Variants in HIP1 observed in about 807,000 individuals in gnomAD.
HIP1 encodes the protein huntingtin-interacting protein 1.
Under a neutral mutation model 147.6 loss-of-function variants are expected in HIP1, and 65 were observed. The ratio of observed to expected loss-of-function variants is 0.44; its 90% CI spans 0.36 to 0.54. HIP1 has a LOEUF of 0.54. Ranked by LOEUF, HIP1 falls within the 20% of genes least tolerant of loss-of-function variation. HIP1 has a pLI of 0.00. For missense variants in HIP1, 1,061 were observed against 1,299.6 expected (o/e 0.82, Z 2.82); for synonymous variants, 479 against 504.0 (o/e 0.95, Z 0.67).
At chr7:75,555,894 A>C (rs1794983513) in intron 18 of HIP1, 132 bp downstream of exon 18, 10 of 1,082,664 alleles carry the variant, frequency 9.2e-6, no homozygotes, top group East Asian at 2.4e-5. Context: ...CACCTACAGA[A>C]TGTCTGCACA....
chr7:75,722,475 G>C (rs531451454), intron 1 of HIP1, among the ~76,000 whole-genome samples: 1 of 152,154 alleles, frequency 6.6e-6, no homozygotes, highest in Non-Finnish European at 1.5e-5. Flanking sequence ...CCACAGCTTG[G>C]AGAAGTAAGA....
intron 14 of HIP1, among the ~76,000 whole-genome samples, chr7:75,558,882 G>A (rs1194005138): frequency 6.6e-6 from 1 of 152,230 alleles, no homozygotes; most frequent in East Asian, 1.9e-4. Flanking sequence ...AGCTGGACAT[G>A]GTGGTGTGTG....
chr7:75,540,479 G>A (rs1323587190), intron 29 of HIP1, among the ~76,000 whole-genome samples: 1 of 151,602 alleles, frequency 6.6e-6, no homozygotes, highest in East Asian at 1.9e-4. Context: ...GCATGGTGGT[G>A]TGTATCTGTA....
intron 22 of HIP1, 50 bp from the exon 23 acceptor site, chr7:75,549,051 T>TCTC: frequency 7.7e-7 from 1 of 1,291,264 alleles, no homozygotes; most frequent in Non-Finnish European, 1.1e-6. Flanking sequence ...TCCTGTCTCT[T>TCTC]CTCCTCTGCC....
chr7:75,628,090 C>G (rs1008016066), intron 1 of HIP1, among the ~76,000 whole-genome samples: 2 of 152,184 alleles, frequency 1.3e-5, no homozygotes, highest in Admixed American at 6.6e-5. Flanking sequence ...ATTTCTGCAT[C>G]TAACCCCATT....
chr7:75,612,054 C>A (rs1797457390), intron 1 of HIP1, among the ~76,000 whole-genome samples: 1 of 152,258 alleles, frequency 6.6e-6, no homozygotes, highest in Non-Finnish European at 1.5e-5. Flanking sequence ...TTGGCAGAAG[C>A]CCAGCCCTCG....
intron 4 of HIP1, 110 bp from the exon 5 acceptor site, chr7:75,586,943 T>C (rs1349981876): frequency 1.4e-6 from 1 of 722,028 alleles, no homozygotes; most frequent in Non-Finnish European, 2.5e-6. Context: ...TTTCTCCCCT[T>C]TATTTTATTT....
chr7:75,700,277 T>A (rs1439226040), intron 1 of HIP1, among the ~76,000 whole-genome samples: 2 of 152,138 alleles, frequency 1.3e-5, no homozygotes, highest in African/African-American at 4.8e-5. Context: ...GCCCGTCAGC[T>A]CTTCCTGGGG....
At chr7:75,732,317 C>T (rs1452017367) in intron 1 of HIP1, among the ~76,000 whole-genome samples, 1 of 152,106 alleles carries the variant, frequency 6.6e-6, no homozygotes, top group African/African-American at 2.4e-5. Flanking sequence ...CATTAAGATC[C>T]TTTGCTCTGA....
chr7:75,680,376 C>G (rs782204161), intron 1 of HIP1, among the ~76,000 whole-genome samples: 2 of 152,046 alleles, frequency 1.3e-5, no homozygotes, highest in African/African-American at 4.8e-5. Flanking sequence ...CCACCCATTT[C>G]TCTCTGCCTC....
chr7:75,685,095 AAAAT>A (rs1227275143), intron 1 of HIP1, among the ~76,000 whole-genome samples: 1 of 152,032 alleles, frequency 6.6e-6, no homozygotes, highest in Non-Finnish European at 1.5e-5. Flanking sequence ...CGTCTCAAAA[AAAAT>A]AAATAAATAA....
intron 1 of HIP1, among the ~76,000 whole-genome samples, chr7:75,708,877 T>C (rs1554519916): frequency 6.6e-6 from 1 of 152,166 alleles, no homozygotes; most frequent in Non-Finnish European, 1.5e-5. Flanking sequence ...AGATGGGTTT[T>C]TCTGTTTCTG....
At chr7:75,602,484 C>G (rs1797034473) in intron 1 of HIP1, among the ~76,000 whole-genome samples, 1 of 141,430 alleles carries the variant, frequency 7.1e-6, no homozygotes. Flanking sequence ...TCTAAATTCT[C>G]AGATATGCTC....
chr7:75,607,293 G>C (rs2117041515), intron 1 of HIP1, among the ~76,000 whole-genome samples: 1 of 145,448 alleles, frequency 6.9e-6, no homozygotes, highest in African/African-American at 2.6e-5. Context: ...GCAGTGGTGT[G>C]ATCTCAGCTC....
chr7:75,539,434 GTAAGGGAAAT>G lies in HIP1; in HGVS notation c.2953-13_2953-4del. On this transcript the variant is annotated splice_region_variant and splice_polypyrimidine_tract_variant and intron_variant, in intron 29 of 30. Coordinates refer to ENST00000336926, the MANE Select transcript of HIP1 (RefSeq NM_005338.7). ...TTTTCTAGCTCTAGCACCCTAACCT[GTAAGGGAAAT>G]TAAGTGGGATTTTCTCTTAATCATC... 1 of 1,600,066 alleles carries G rather than the reference GTAAGGGAAAT, an allele frequency of 6.2e-7. No homozygotes were observed. Among genetic ancestry groups the G allele is most frequent in the Non-Finnish European group, 8.6e-7 (1 of 1,167,552 alleles).
chr7:75,629,526 A>G (rs1266901830), intron 1 of HIP1, among the ~76,000 whole-genome samples: 1 of 148,064 alleles, frequency 6.8e-6, no homozygotes, highest in Non-Finnish European at 1.5e-5. Flanking sequence ...ATTTCCTTCA[A>G]TTGCGGCTCC....
intron 6 of HIP1, 97 bp downstream of exon 6, chr7:75,581,978 C>T (rs587703007): frequency 5.0e-5 from 49 of 986,584 alleles, no homozygotes; most frequent in African/African-American, 2.6e-4. Context: ...ATCCCAGCCA[C>T]GGCCTCCCCC....
At position 75,559,739 on chromosome 7, in the gene HIP1, C is replaced by T. The variant is rs782459372; in HGVS notation, c.1368G>A (p.Glu456=). The T allele has an allele frequency of 1.0e-4, 80 of 786,964 alleles. No homozygotes were observed. The highest frequency in any genetic ancestry group is 3.0e-4 in the Middle Eastern group (1 of 3,324). The allele number at this position is 786,964 out of a possible 1,614,324, so 48.7% of individuals were successfully genotyped here. A position where few individuals can be genotyped will look rare whatever the true frequency, so the allele number is the denominator to read the frequency against. ...CCCCCACCCACCGCTCACTTTCTAT[C>T]TCAGACAGGCTCCGCTGAGCCTTCT... ...DTEKAQRSLS[E]IERKAQANEQ... Residue 456 remains glutamate, a synonymous_variant, in exon 14 of 31, where the codon GAG becomes GAA. Coordinates refer to ENST00000336926, the MANE Select transcript of HIP1 (RefSeq NM_005338.7).
chr7:75,581,544 C>T (rs1554498598), intron 6 of HIP1, among the ~76,000 whole-genome samples: 3 of 152,118 alleles, frequency 2.0e-5, no homozygotes, highest in Non-Finnish European at 2.9e-5. Flanking sequence ...TTTGGGAGGC[C>T]GAGGTGGGCG....
Sources: gnomAD v4.1 joint callset for allele counts (sites outside exome capture counted in the v4.1 genomes callset) on GRCh38, gnomAD v4.1.1 for gene constraint, MANE v1.5 for transcripts, NCBI Gene and HGNC (gene_info 2026-07-23, HGNC 2026-07-21) for gene names.